NFASC: variants seen among roughly 807,000 people sequenced by gnomAD.
NFASC encodes the protein neurofascin homolog.
A neutral mutation model predicts 147.5 loss-of-function variants in NFASC; 43 were observed. The observed-to-expected ratio is 0.29, with a 90% CI of 0.23 to 0.38. The LOEUF is 0.38. Among genes scored for constraint, NFASC ranks in the 10% least tolerant of loss-of-function variants. NFASC has a pLI of 1.00. For synonymous variants in NFASC, 622 were observed against 665.5 expected (o/e 0.93, Z 1.01); for missense variants, 1,320 against 1,689.0 (o/e 0.78, Z 3.83).
chr1:204,965,944 G>A (rs2094927118), intron 8 of NFASC, among the ~76,000 whole-genome samples: 1 of 152,176 alleles, frequency 6.6e-6, no homozygotes, highest in Admixed American at 6.5e-5. Flanking sequence ...CTGAAAATGG[G>A]GATACAACCC....
At chr1:204,910,290 G>T (rs1410344949) in intron 1 of NFASC, among the ~76,000 whole-genome samples, 1 of 151,916 alleles carries the variant, frequency 6.6e-6, no homozygotes, top group Non-Finnish European at 1.5e-5. Context: ...CATGTCCTAT[G>T]CATGTTTTGT....
intron 29 of NFASC, among the ~76,000 whole-genome samples, chr1:205,013,129 G>A (rs1261756395): frequency 1.3e-5 from 2 of 152,302 alleles, no homozygotes; most frequent in Admixed American, 6.5e-5. Context: ...TTAGTTTGAC[G>A]AACAGCATTT....
rs371148844 is a variant in NFASC at position 204,974,154 on chromosome 1, G to A, written c.1280-25G>A. Reference sequence around the variant, plus strand: ...ATGGAAGAGTTTAGACTTGGCACTCGAGATTGCTTCTCTGGGAATTTCAGA... The same window carrying A: ...ATGGAAGAGTTTAGACTTGGCACTCAAGATTGCTTCTCTGGGAATTTCAGA... On this transcript the variant is annotated intron_variant, in intron 12 of 29. Transcript: ENST00000339876. The A allele has an allele frequency of 3.1e-5, 49 of 1,590,582 alleles. No homozygotes were observed. In the Admixed American group the frequency reaches 4.2e-4, roughly 14 times the overall value.
At chr1:204,845,986 A>G (rs1396663004) in intron 1 of NFASC, among the ~76,000 whole-genome samples, 1 of 152,198 alleles carries the variant, frequency 6.6e-6, no homozygotes, top group Non-Finnish European at 1.5e-5. Flanking sequence ...GTTATCCTCA[A>G]GCCCTGATTG....
chr1:205,001,281 T>A lies in NFASC; in HGVS notation c.3131T>A (p.Ile1044Asn). Residue 1044 changes from isoleucine to asparagine, a missense_variant, in exon 26 of 30, where the codon ATC becomes AAC. This residue lies in a region of NFASC where 172 missense variants were observed against 165.8 expected (regional missense o/e 1.04). Transcript: ENST00000339876. Reference sequence around the variant, plus strand: ...GGAACTGACTTTGTGGTTGAGTACATCGACAGTAAGCATTGCTGTGCGGGG... The same window carrying A: ...GGAACTGACTTTGTGGTTGAGTACAACGACAGTAAGCATTGCTGTGCGGGG... ...GPGTDFVVEY[I>N]DSNHTKKTVP... is the part of the protein sequence containing the mutation. The A allele has an allele frequency of 6.2e-7, 1 of 1,606,538 alleles. No homozygotes were observed. Among genetic ancestry groups the A allele is most frequent in the South Asian group, 1.1e-5 (1 of 90,196 alleles).
intron 1 of NFASC, among the ~76,000 whole-genome samples, chr1:204,881,682 G>A (rs934951847): frequency 1.3e-5 from 2 of 152,290 alleles, no homozygotes; most frequent in African/African-American, 4.8e-5. Context: ...AAAGACAGAA[G>A]GAAAAACCCA....
At chr1:204,839,502 T>A (rs1197064460) in intron 1 of NFASC, among the ~76,000 whole-genome samples, 1 of 152,002 alleles carries the variant, frequency 6.6e-6, no homozygotes, top group Non-Finnish European at 1.5e-5. Flanking sequence ...CCAGATTACA[T>A]GCGTGTCCCT....
chr1:204,953,092 T>C (rs1316102190), intron 5 of NFASC, among the ~76,000 whole-genome samples: 1 of 152,230 alleles, frequency 6.6e-6, no homozygotes, highest in East Asian at 1.9e-4. Flanking sequence ...ACAATAATCC[T>C]GTGGCACTGA....
intron 1 of NFASC, among the ~76,000 whole-genome samples, chr1:204,839,371 AC>A (rs1674631795): frequency 1.1e-3 from 3 of 2,768 alleles, no homozygotes; most frequent in African/African-American, 3.1e-3. Context: ...CGTATGAAAC[AC>A]ACACACACAC....
intron 1 of NFASC, among the ~76,000 whole-genome samples, chr1:204,883,256 G>A (rs1218256045): frequency 6.6e-6 from 1 of 152,220 alleles, no homozygotes; most frequent in African/African-American, 2.4e-5. Flanking sequence ...CAGCCTGACT[G>A]AATAGGAGTT....
chr1:204,932,446 C>T (rs2092445317), intron 2 of NFASC, among the ~76,000 whole-genome samples: 3 of 151,776 alleles, frequency 2.0e-5, no homozygotes, highest in Admixed American at 2.0e-4. Context: ...CCACTCGGCA[C>T]ACAGGAATGA....
At position 205,009,681 on chromosome 1, in the gene NFASC, G is replaced by A; in HGVS notation, c.3414G>A (p.Lys1138=). 1 of 1,613,884 alleles carries A rather than the reference G, an allele frequency of 6.2e-7. No individual in the cohort carries two copies. The highest frequency in any genetic ancestry group is 8.5e-7 in the Non-Finnish European group (1 of 1,179,944). The change falls in exon 28 of 30, where the codon AAG becomes AAA. Residue 1138 remains lysine, a synonymous_variant. Transcript: ENST00000339876. ...TCATCAAGAGGAGTCGCGGCGGCAA[G>A]TACCCAGGTGAGATGTGCAAGAGGC... ...VCFIKRSRGG[K]YPVREKKDVP...
chr1:204,977,856 T>C lies in NFASC; in HGVS notation c.1876+131T>C, dbSNP rs984769922. 7 of 719,612 alleles carry C rather than the reference T, an allele frequency of 9.7e-6. No homozygotes were observed. In the African/African-American group the frequency reaches 1.2e-4, roughly 13 times the overall value. The allele number at this position is 719,612 out of a possible 1,614,324, so 44.6% of individuals were successfully genotyped here. A position where few individuals can be genotyped will look rare whatever the true frequency, so the allele number is the denominator to read the frequency against. ...TTTGTGGGCAGCACTCCTGGCTACATGGGACCTCCTTTGAGTTGCCCACGT... is the reference window on the plus strand; with the variant it reads ...TTTGTGGGCAGCACTCCTGGCTACACGGGACCTCCTTTGAGTTGCCCACGT... On this transcript the variant is annotated intron_variant, in intron 17 of 29. Transcript: ENST00000339876.
Position 205,016,851 on chromosome 1 carries a change from C to T in NFASC, c.*312C>T. 6.7e-5 allele frequency: 30 copies of T among 450,078 alleles called. No individual in the cohort carries two copies. Among genetic ancestry groups the T allele is most frequent in the Admixed American group, 2.7e-4 (8 of 29,400 alleles). 27.9% of individuals were successfully genotyped at this position (450,078 alleles called of 1,614,324 possible). A position where few individuals can be genotyped will look rare whatever the true frequency, so the allele number is the denominator to read the frequency against. On this transcript the variant is annotated 3_prime_UTR_variant, in exon 30 of 30. Coordinates refer to ENST00000339876, the MANE Select transcript of NFASC (RefSeq NM_001005388.3). This position sits in a 1 kb window ranked among gnomAD's most constrained non-coding sequence, Gnocchi z 5.1. ...GTTCCACCACACTGTCCGCCCTTGG[C>T]CTCGGCACACGCTCACCTTTTCTGT...
intron 4 of NFASC, among the ~76,000 whole-genome samples, chr1:204,951,389 C>A (rs1350808129): frequency 6.7e-6 from 1 of 148,276 alleles, no homozygotes; most frequent in Non-Finnish European, 1.5e-5. Flanking sequence ...GTCTTGAACT[C>A]CTGACCTCAG....
intron 24 of NFASC, among the ~76,000 whole-genome samples, chr1:204,995,680 G>A (rs2095832942): frequency 6.6e-6 from 1 of 152,104 alleles, no homozygotes; most frequent in Non-Finnish European, 1.5e-5. Flanking sequence ...CAGGGAAGCA[G>A]GAGTATTCCC....
intron 1 of NFASC, among the ~76,000 whole-genome samples, chr1:204,906,211 G>A (rs1453110858): frequency 1.3e-5 from 2 of 152,118 alleles, no homozygotes; most frequent in Non-Finnish European, 2.9e-5. Flanking sequence ...GAGGTTTACT[G>A]AGTTATAAGT....
At chr1:204,997,866 C>T in intron 25 of NFASC, 1 of 210,544 alleles carries the variant, frequency 4.7e-6, no homozygotes, top group Non-Finnish European at 9.6e-6. Flanking sequence ...GCCACGTCTG[C>T]GTCCGGCCTA....
At chr1:204,917,895 G>T (rs932377251) in intron 1 of NFASC, among the ~76,000 whole-genome samples, 1 of 152,170 alleles carries the variant, frequency 6.6e-6, no homozygotes, top group African/African-American at 2.4e-5. Context: ...TGCTAGAGGT[G>T]CTCATTCTGA....
Sources: gnomAD v4.1 joint callset for allele counts (sites outside exome capture counted in the v4.1 genomes callset) on GRCh38, gnomAD v4.1.1 for gene constraint, gnomAD v4.1.1 regional missense constraint, Gnocchi (gnomAD v3.1) non-coding constraint, MANE v1.5 for transcripts, NCBI Gene and HGNC (gene_info 2026-07-23, HGNC 2026-07-21) for gene names.